COL14A1: variants seen among roughly 807,000 people sequenced by gnomAD.
The protein encoded by COL14A1 is collagen alpha-1(XIV) chain.
Under a neutral mutation model 230.3 loss-of-function variants are expected in COL14A1, and 136 were observed. The ratio of observed to expected loss-of-function variants is 0.59; its 90% CI spans 0.51 to 0.68. COL14A1 has a LOEUF of 0.68. Among genes scored for constraint, COL14A1 ranks in the 30% least tolerant of loss-of-function variants. The pLI is 0.00. For synonymous variants in COL14A1, 792 were observed against 784.1 expected (o/e 1.01, Z -0.17); for missense variants, 1,976 against 2,215.8 (o/e 0.89, Z 2.17).
At chr8:120,208,566 A>G (rs1586767424) in intron 11 of COL14A1, among the ~76,000 whole-genome samples, 1 of 152,166 alleles carries the variant, frequency 6.6e-6, no homozygotes, top group East Asian at 1.9e-4. Context: ...AAAAGTTGTT[A>G]TAAATCTCTG....
Position 120,203,819 on chromosome 8 carries a change from C to T in COL14A1, c.988C>T (p.Leu330=). 3.7e-6 allele frequency: 6 copies of T among 1,613,898 alleles called. No homozygotes were observed. The highest frequency in any genetic ancestry group is 5.1e-6 in the Non-Finnish European group (6 of 1,179,898). Residue 330 remains leucine, a synonymous_variant, in exon 9 of 48, where the codon CTG becomes TTG. Coordinates refer to ENST00000297848, the MANE Select transcript of COL14A1 (RefSeq NM_021110.4). Reference sequence around the variant, plus strand: ...TCTGATGCACACAGTTGTGGAGAGTCTGACCAGGACTCTCTGCTCTAGAGT... The same window carrying T: ...TCTGATGCACACAGTTGTGGAGAGTTTGACCAGGACTCTCTGCTCTAGAGT... ...FDLMHTVVES[L]TRTLCSRVEE... is the part of the protein sequence containing the mutation.
At chr8:120,246,196 T>C (rs779567597) in intron 20 of COL14A1, among the ~76,000 whole-genome samples, 5 of 152,168 alleles carry the variant, frequency 3.3e-5, no homozygotes, top group Non-Finnish European at 7.4e-5. Context: ...TCTCCTCATT[T>C]AACAGTGCTG....
rs558373602 is a variant in COL14A1 at position 120,332,246 on chromosome 8, T to C, written c.4713+52T>C. The C allele has an allele frequency of 2.0e-6, 3 of 1,537,976 alleles. No homozygotes were observed. In the South Asian group the frequency reaches 3.4e-5, roughly 17 times the overall value. ...CATACTCTGTTTTAAAGCACTTCAT[T>C]TCTTTTGAGAGGTTTTCTTTTGCCA... On this transcript the variant is annotated intron_variant, in intron 41 of 47. Transcript: ENST00000297848.
In COL14A1 at chr8:120,214,429, G is replaced by A. The variant is rs576957153; in HGVS notation, c.1597+1852G>A. Among the ~76,000 whole-genome samples, 411 of 152,260 alleles carry A rather than the reference G, an allele frequency of 2.7e-3. 4 individuals are homozygous for A. The highest frequency in any genetic ancestry group is 9.1e-3 in the African/African-American group (377 of 41,552). On this transcript the variant is annotated intron_variant, in intron 13 of 47. Transcript: ENST00000297848. ...ATTATTTTTACAATAAGCCTGTAAA[G>A]AGCTCATGAAGCTGTCAAAAATTAT...
chr8:120,350,333 G>A (rs1485809871), intron 45 of COL14A1, among the ~76,000 whole-genome samples: 2 of 146,258 alleles, frequency 1.4e-5, no homozygotes, highest in African/African-American at 5.2e-5. Context: ...ATCAACTAAC[G>A]AGCAAAATCA....
At chr8:120,198,425 T>A (rs1474474986) in intron 7 of COL14A1, among the ~76,000 whole-genome samples, 1 of 152,170 alleles carries the variant, frequency 6.6e-6, no homozygotes, top group Non-Finnish European at 1.5e-5. Flanking sequence ...GTATTTTTGA[T>A]GAATGACGAA....
chr8:120,365,551 C>T (rs866097938), intron 45 of COL14A1, among the ~76,000 whole-genome samples: 8 of 152,360 alleles, frequency 5.3e-5, no homozygotes, highest in Middle Eastern at 3.4e-3. Flanking sequence ...CGATTAGCTA[C>T]TAAACTAATG....
intron 15 of COL14A1, 23 bp downstream of exon 15, chr8:120,225,237 G>T (rs755401226): frequency 1.9e-6 from 3 of 1,607,522 alleles, no homozygotes; most frequent in Middle Eastern, 1.7e-4. Context: ...ATTATGGTTT[G>T]AAAAGTTTTG....
At chr8:120,199,043 T>C (rs1358708022) in intron 7 of COL14A1, among the ~76,000 whole-genome samples, 1 of 152,160 alleles carries the variant, frequency 6.6e-6, no homozygotes, top group Non-Finnish European at 1.5e-5. Flanking sequence ...ACGAACAAAA[T>C]TGAAAACCTA....
rs1815296456 is a variant in COL14A1 at position 120,151,891 on chromosome 8, G to C, written c.88+3961G>C. ...GGGAGATAGGGCAGCCAGTGTCAGCGGCCAGGTGAGAAAAACTTGGCTGGG... is the reference window on the plus strand; with the variant it reads ...GGGAGATAGGGCAGCCAGTGTCAGCCGCCAGGTGAGAAAAACTTGGCTGGG... On this transcript the variant is annotated intron_variant, in intron 2 of 47. Coordinates refer to ENST00000297848, the MANE Select transcript of COL14A1 (RefSeq NM_021110.4). Among the ~76,000 whole-genome samples, 7 of 152,082 alleles carry C rather than the reference G, an allele frequency of 4.6e-5. No homozygotes were observed. In the South Asian group the frequency reaches 1.5e-3, roughly 32 times the overall value.
At chr8:120,330,216 G>T (rs770345048) in intron 40 of COL14A1, among the ~76,000 whole-genome samples, 2 of 152,176 alleles carry the variant, frequency 1.3e-5, no homozygotes, top group African/African-American at 4.8e-5. Flanking sequence ...GTGAGCCCAC[G>T]CATCCCCTGC....
chr8:120,246,381 A>G (rs976446612), intron 20 of COL14A1, among the ~76,000 whole-genome samples: 1 of 152,174 alleles, frequency 6.6e-6, no homozygotes, highest in Non-Finnish European at 1.5e-5. Flanking sequence ...AGCTATAGGG[A>G]GATTTCAAAC....
At chr8:120,157,333 A>G (rs757613998) in intron 2 of COL14A1, among the ~76,000 whole-genome samples, 11 of 152,198 alleles carry the variant, frequency 7.2e-5, no homozygotes, top group Non-Finnish European at 1.3e-4. Context: ...TTTTTAAATG[A>G]ATATCTTATT....
At chr8:120,309,787 A>G (rs1820972539) in intron 36 of COL14A1, among the ~76,000 whole-genome samples, 1 of 152,230 alleles carries the variant, frequency 6.6e-6, no homozygotes, top group African/African-American at 2.4e-5. Context: ...ATATTTAAAA[A>G]GAATTTGGCA....
chr8:120,253,253 C>T (rs1819032580), intron 22 of COL14A1, among the ~76,000 whole-genome samples: 3 of 152,128 alleles, frequency 2.0e-5, no homozygotes, highest in Admixed American at 2.0e-4. Context: ...AGGTGATCCA[C>T]CTGACTTGGC....
chr8:120,247,880 TAA>T (rs1170348254), intron 21 of COL14A1, 145 bp downstream of exon 21: 1 of 1,008,316 alleles, frequency 9.9e-7, no homozygotes, highest in East Asian at 2.5e-5. Flanking sequence ...TTTGGAAAAA[TAA>T]AGTGTTTTAG....
chr8:120,173,375 C>T (rs1036303644), intron 5 of COL14A1, among the ~76,000 whole-genome samples: 1 of 152,062 alleles, frequency 6.6e-6, no homozygotes, highest in Non-Finnish European at 1.5e-5. Flanking sequence ...ACATTCTGAG[C>T]GCTTGTATTT....
chr8:120,136,173 TTTTATTC>T (rs775757873), intron 1 of COL14A1, among the ~76,000 whole-genome samples: 8 of 152,136 alleles, frequency 5.3e-5, no homozygotes, highest in Non-Finnish European at 8.8e-5. Flanking sequence ...AACATCCCTA[TTTTATTC>T]TTGATCTTAG....
Position 120,179,902 on chromosome 8 carries a change from G to A in COL14A1, c.436+11655G>A, listed in dbSNP as rs144842503. 7.0e-3 allele frequency among the ~76,000 whole-genome samples: 1,070 copies of A among 152,104 alleles called. 5 individuals are homozygous for A. Among genetic ancestry groups the A allele is most frequent in the South Asian group, 0.021 (101 of 4,802 alleles). The stretch of plus-strand genomic sequence containing the variant: ...GTCTTCATAAATAAAGCCACACATC[G>A]ACAACCATCTGAACTTTGACAAACC... On this transcript the variant is annotated intron_variant, in intron 5 of 47. Transcript: ENST00000297848.
Sources: gnomAD v4.1 joint callset for allele counts (sites outside exome capture counted in the v4.1 genomes callset) on GRCh38, gnomAD v4.1.1 for gene constraint, MANE v1.5 for transcripts, NCBI Gene and HGNC (gene_info 2026-07-23, HGNC 2026-07-21) for gene names.